Variants in TET2 observed in about 807,000 individuals in gnomAD.
The protein encoded by TET2 is methylcytosine dioxygenase TET2.
TET2 carries 299 observed loss-of-function variants against 142.9 expected under a neutral mutation model. The observed-to-expected ratio is 2.09, with a 90% CI of 1.90 to 2.30. The LOEUF (loss-of-function observed/expected upper bound fraction) is 2.30. TET2 is among the 30% of genes most tolerant of loss of function. The pLI is 0.00. For synonymous variants in TET2, 819 were observed against 849.0 expected, an observed-to-expected ratio of 0.96 and a Z score of 0.61; for missense variants, 2,418 against 2,378.0, an observed-to-expected ratio of 1.02 and a Z score of -0.35.
At chr4:105,226,070 C>G (rs1024092070) in intron 2 of TET2, among the ~76,000 whole-genome samples, 3 of 76,756 alleles carry the variant, frequency 3.9e-5, no homozygotes, top group Admixed American at 3.2e-4. Context: ...GATACGTAGC[C>G]AAAATACTTG....
At chr4:105,237,793 G>A in intron 3 of TET2, 1 of 1,125,024 alleles carries the variant, frequency 8.9e-7, no homozygotes, top group Non-Finnish European at 1.1e-6. Context: ...AGTTTCACAA[G>A]ATTTCTGGCT....
chr4:105,237,663 T>G, intron 3 of TET2: 1 of 1,399,988 alleles, frequency 7.1e-7, no homozygotes, highest in South Asian at 1.6e-5. Context: ...TCTTTGTATA[T>G]TATCTCCTGG....
At chr4:105,226,878 G>A (rs888039050) in intron 2 of TET2, among the ~76,000 whole-genome samples, 2 of 152,090 alleles carry the variant, frequency 1.3e-5, no homozygotes, top group Non-Finnish European at 2.9e-5. Flanking sequence ...CTTTCAAAAG[G>A]TTAAAATGCT....
intron 2 of TET2, among the ~76,000 whole-genome samples, chr4:105,222,628 T>C (rs1369497306): frequency 6.6e-6 from 1 of 152,212 alleles, no homozygotes; most frequent in Non-Finnish European, 1.5e-5. Context: ...CTTTGTCAGA[T>C]GAGTAGGTTG....
At chr4:105,188,329 G>A (rs1471234484) in intron 1 of TET2, among the ~76,000 whole-genome samples, 1 of 152,134 alleles carries the variant, frequency 6.6e-6, no homozygotes, top group Non-Finnish European at 1.5e-5. Flanking sequence ...ATTAATAGAG[G>A]CATACAGTAG....
At position 105,198,387 on chromosome 4, in the gene TET2, C is replaced by T. The variant is rs780675760; in HGVS notation, c.-47+7882C>T. Among the ~76,000 whole-genome samples the T allele has an allele frequency of 7.3e-4, 111 of 151,914 alleles. 1 individual carries two copies. The highest frequency in any genetic ancestry group is 7.7e-4 in the Non-Finnish European group (52 of 67,970). ...CATAAATAAATGCTTTTTGATTTAA[C>T]GAAGGTGTCATTGTCCTATGAAAAG... On this transcript the variant is annotated intron_variant, in intron 2 of 10. Coordinates refer to ENST00000380013, the MANE Select transcript of TET2 (RefSeq NM_001127208.3).
chr4:105,201,425 T>C (rs1270828599), intron 2 of TET2, among the ~76,000 whole-genome samples: 1 of 152,164 alleles, frequency 6.6e-6, no homozygotes, highest in East Asian at 1.9e-4. Context: ...AATAATACAA[T>C]AGGGGGTGCA....
chr4:105,269,618 T>A lies in TET2; in HGVS notation c.4053T>A (p.Tyr1351Ter). 1 of 1,551,564 alleles carries A rather than the reference T, an allele frequency of 6.4e-7. No individual in the cohort carries two copies. Among genetic ancestry groups the A allele is most frequent in the Non-Finnish European group, 8.7e-7 (1 of 1,146,890 alleles). The change falls in exon 9 of 11, where the codon TAT becomes TAA. Residue 1351 changes from tyrosine to a stop codon, truncating the protein, a stop_gained. Coordinates refer to ENST00000380013, the MANE Select transcript of TET2 (RefSeq NM_001127208.3). LOFTEE classifies it high-confidence loss of function. ...ACACTTTTATTTTTCAGATTGAATA[T>A]GAACACAGAGCACCAGAGTGCCGTC... Reference protein sequence around the residue: ...APDAYNNQIEYEHRAPECRLG... With the variant: ...APDAYNNQIE
intron 6 of TET2, among the ~76,000 whole-genome samples, chr4:105,257,474 C>G (rs1730197505): frequency 6.6e-6 from 1 of 152,016 alleles, no homozygotes; most frequent in African/African-American, 2.4e-5. Flanking sequence ...GACAGAATTC[C>G]TTAGGTGCCT....
At chr4:105,153,800 G>T (rs1723431280) in intron 1 of TET2, among the ~76,000 whole-genome samples, 1 of 152,174 alleles carries the variant, frequency 6.6e-6, no homozygotes, top group African/African-American at 2.4e-5. Context: ...ACTATGTAGA[G>T]AAAGTCATAA....
rs201083531 is a variant in TET2, at chr4:105,278,171, C to T, written c.*1652C>T. ...GTACTGTAAAAAAATTAAATATATA[C>T]ATATATATATATATATATATATATA... On this transcript the variant is annotated 3_prime_UTR_variant, in exon 11 of 11. Transcript: ENST00000380013. 2.5e-4 allele frequency: 29 copies of T among 114,102 alleles called. No homozygotes were observed. The highest frequency in any genetic ancestry group is 7.8e-4 in the East Asian group (4 of 5,122). The allele number at this position is 114,102 out of a possible 1,614,324, so 7.1% of individuals were successfully genotyped here. A position where few individuals can be genotyped will look rare whatever the true frequency, so the allele number is the denominator to read the frequency against.
At chr4:105,240,450 A>G (rs2110246320) in intron 3 of TET2, 2 of 1,075,930 alleles carry the variant, frequency 1.9e-6, no homozygotes, top group East Asian at 1.0e-4. Flanking sequence ...ATAGCTATGC[A>G]GCATAGATTT....
intron 2 of TET2, among the ~76,000 whole-genome samples, chr4:105,218,030 T>A (rs1727598700): frequency 6.6e-6 from 1 of 152,058 alleles, no homozygotes; most frequent in Non-Finnish European, 1.5e-5. Context: ...TAAACTCACA[T>A]GAGATTGATG....
intron 1 of TET2, among the ~76,000 whole-genome samples, chr4:105,148,815 A>C (rs1203919338): frequency 6.6e-6 from 1 of 152,226 alleles, no homozygotes; most frequent in Non-Finnish European, 1.5e-5. Context: ...AATTTATAGG[A>C]TTAAAAAATG....
intron 1 of TET2, among the ~76,000 whole-genome samples, chr4:105,180,917 G>A (rs1578570840): frequency 6.6e-6 from 1 of 152,162 alleles, no homozygotes; most frequent in Non-Finnish European, 1.5e-5. Flanking sequence ...GGAATTACAG[G>A]CGTGAGGCAC....
intron 2 of TET2, among the ~76,000 whole-genome samples, chr4:105,209,049 G>A (rs1235991406): frequency 9.0e-5 from 4 of 44,350 alleles, no homozygotes; most frequent in East Asian, 7.6e-4. Context: ...TCAAGGCATG[G>A]TATATATATA....
At chr4:105,240,493 T>C (rs1674600665) in intron 3 of TET2, 1 of 1,077,498 alleles carries the variant, frequency 9.3e-7, no homozygotes, top group Non-Finnish European at 1.1e-6. Flanking sequence ...AAATGTTAAA[T>C]TAGTGTGGCT....
chr4:105,169,965 G>A (rs186802527), intron 1 of TET2, among the ~76,000 whole-genome samples: 1 of 152,090 alleles, frequency 6.6e-6, no homozygotes, highest in Non-Finnish European at 1.5e-5. Context: ...CCAGTACCAT[G>A]CTGTTTTGGT....
intron 1 of TET2, among the ~76,000 whole-genome samples, chr4:105,159,875 G>A (rs1560713801): frequency 1.3e-5 from 2 of 152,126 alleles, no homozygotes; most frequent in African/African-American, 2.4e-5. Context: ...GTGGTGGCGG[G>A]CGCCTGTAAT....
Sources: allele counts gnomAD v4.1 joint callset (sites outside exome capture counted in the v4.1 genomes callset), GRCh38; gene constraint gnomAD v4.1.1; transcripts MANE v1.5; gene names NCBI Gene and HGNC (gene_info 2026-07-23, HGNC 2026-07-21).